Variants in ALOX15 observed in about 807,000 individuals in gnomAD.
ALOX15 encodes the protein arachidonate 15-lipoxygenase.
Under a neutral mutation model 71.7 loss-of-function variants are expected in ALOX15, and 68 were observed. The ratio of observed to expected loss-of-function variants is 0.95; its 90% CI spans 0.78 to 1.16. The LOEUF (loss-of-function observed/expected upper bound fraction) is 1.16, where lower values mean the gene tolerates loss of function less well. Among genes scored for constraint, ALOX15 ranks in the 50% most tolerant of loss-of-function variants. The probability of loss-of-function intolerance (pLI) is 0.00; values close to 1 mark genes in which losing one functional copy is unlikely to be tolerated. For missense variants in ALOX15, 798 were observed against 818.8 expected (o/e 0.97, Z 0.31); for synonymous variants, 346 against 333.3 (o/e 1.04, Z -0.42).
chr17:4,639,852 C>A, intron 1 of ALOX15: 1 of 539,384 alleles, frequency 1.9e-6, no homozygotes, highest in South Asian at 2.1e-5. Context: ...AAGGTGCGCT[C>A]CTGCCTTCAC....
At chr17:4,640,495 CATTT>C (rs1342717719) in intron 1 of ALOX15, among the ~76,000 whole-genome samples, 2 of 146,818 alleles carry the variant, frequency 1.4e-5, no homozygotes, top group South Asian at 2.1e-4. Flanking sequence ...GTAGCGGGAA[CATTT>C]ATTGAGCCTT....
At chr17:4,632,119 G>C in intron 12 of ALOX15, 62 bp downstream of exon 12, 1 of 1,612,522 alleles carries the variant, frequency 6.2e-7, no homozygotes, top group Non-Finnish European at 8.5e-7. Flanking sequence ...TGGTCCACCT[G>C]CACACAGACC....
At position 4,639,707 on chromosome 17, in the gene ALOX15, G is replaced by A. The variant is rs1418324120; in HGVS notation, c.136-76C>T. ...ACCCGGCTGAGCCCTGCTCCCTCCA[G>A]CGCCCACGCCCTTCCTCGGAGCCTC... On this transcript the variant is annotated intron_variant, in intron 1 of 13. Transcript: ENST00000293761. 1.2e-4 allele frequency: 176 copies of A among 1,423,918 alleles called. 1 individual carries two copies. The highest frequency in any genetic ancestry group is 1.0e-4 in the East Asian group (4 of 40,164). The allele number at this position is 1,423,918 out of a possible 1,614,324, so 88.2% of individuals were successfully genotyped here. A position where few individuals can be genotyped will look rare whatever the true frequency, so the allele number is the denominator to read the frequency against.
At chr17:4,634,263 G>A (rs1911013526) in intron 8 of ALOX15, among the ~76,000 whole-genome samples, 1 of 152,136 alleles carries the variant, frequency 6.6e-6, no homozygotes, top group Admixed American at 6.5e-5. Flanking sequence ...CCACAAACCA[G>A]ACTTAGTGCT....
intron 5 of ALOX15, 35 bp downstream of exon 5, chr17:4,638,546 G>T (rs746986949): frequency 1.2e-6 from 2 of 1,603,986 alleles, no homozygotes; most frequent in Non-Finnish European, 1.7e-6. Context: ...GTGGGATCTG[G>T]GGGGTTGGGA....
At chr17:4,639,183 C>T (rs1567648850) in intron 2 of ALOX15, 51 bp from the exon 3 acceptor site, 2 of 1,604,256 alleles carry the variant, frequency 1.2e-6, no homozygotes, top group Admixed American at 3.3e-5. Context: ...AGCGCCTCTT[C>T]TTGTCTCTGC....
At position 4,633,318 on chromosome 17, in the gene ALOX15, G is replaced by A. The variant is rs1340924767; in HGVS notation, c.1249-3C>T. ...CCTCCCCCACCAGTGCTCATTATCT[G>A]AGAAGTGAGGGTGAGCAGGGTCAGG... On this transcript the variant is annotated splice_polypyrimidine_tract_variant and splice_region_variant and intron_variant, in intron 9 of 13. Transcript: ENST00000293761. The A allele has an allele frequency of 6.2e-7, 1 of 1,613,082 alleles. No individual in the cohort carries two copies. The highest frequency in any genetic ancestry group is 1.7e-5 in the Admixed American group (1 of 59,988).
At chr17:4,639,801 C>T (rs1465873403) in intron 1 of ALOX15, 170 bp from the exon 2 acceptor site, 1 of 638,994 alleles carries the variant, frequency 1.6e-6, no homozygotes, top group Non-Finnish European at 2.6e-6. Flanking sequence ...GAGCAGGTGG[C>T]CCCAGGACTC....
intron 1 of ALOX15, chr17:4,639,865 T>C: frequency 2.0e-6 from 1 of 512,618 alleles, no homozygotes; most frequent in East Asian, 3.3e-5. Context: ...GCCTTCACTT[T>C]CTCCTCCCTG....
intron 1 of ALOX15, 47 bp from the exon 2 acceptor site, chr17:4,639,678 G>C: frequency 6.4e-7 from 1 of 1,556,144 alleles, no homozygotes; most frequent in African/African-American, 1.4e-5. Flanking sequence ...CTGGCGGGAG[G>C]GGCACCCGGC....
At position 4,633,430 on chromosome 17, in the gene ALOX15, A is replaced by G; in HGVS notation, c.1232T>C (p.Met411Thr). Residue 411 changes from methionine (M) to threonine (T), a missense_variant, in exon 9 of 14, where the codon ATG (methionine) becomes ACG (threonine). Physicochemically the swap from Met to Thr is moderately conservative, Grantham distance 81 (BLOSUM62 -1). Coordinates refer to ENST00000293761, the MANE Select transcript of ALOX15 (RefSeq NM_001140.5). ...VRARTGLVSD[M>T]GIFDQIMSTG... ...TTCCCATACCTGGTCGAAAATTCCC[A>G]TGTCAGAGACCAGCCCAGTCCTGGC... 1.9e-6 allele frequency: 3 copies of G among 1,614,106 alleles called. No individual in the cohort carries two copies. Among genetic ancestry groups the G allele is most frequent in the Non-Finnish European group, 2.5e-6 (3 of 1,180,000 alleles).
Position 4,632,202 on chromosome 17 carries a change from G to T in ALOX15, c.1620C>A (p.His540Gln). The change falls in exon 12 of 14, where the codon CAC becomes CAA. Residue 540 changes from histidine (H) to glutamine (Q), a missense_variant. Transcript: ENST00000293761. ...GTACCTGGCCCAGGTGCACAGAGGC[G>T]TGTTGGCCGGTGCAGGTGAAGATAC... ...TMCIFTCTGQ[H>Q]ASVHLGQLDW... The T allele has an allele frequency of 6.2e-7, 1 of 1,614,212 alleles. No individual in the cohort carries two copies. The highest frequency in any genetic ancestry group is 2.2e-5 in the East Asian group (1 of 44,890).
intron 11 of ALOX15, 68 bp downstream of exon 11, chr17:4,632,793 G>A: frequency 3.7e-6 from 6 of 1,607,204 alleles, no homozygotes; most frequent in Non-Finnish European, 5.1e-6. Flanking sequence ...TTTCACAGAA[G>A]CACAGGGGAT....
In ALOX15 at chr17:4,632,869, T is replaced by G. The variant is rs1414553961; in HGVS notation, c.1532A>C (p.Gln511Pro). ...GCAGGGGCTCCTCTTACCTCGGTCC[T>G]GGGCCCCTTGCAGCCCGATTTCAGT... ...EITEIGLQGA[Q>P]DRGFPVSLQA... The change falls in exon 11 of 14, where the codon CAG becomes CCG. Residue 511 changes from glutamine to proline, a missense_variant. Physicochemically the swap from Gln to Pro is moderately conservative, Grantham distance 76. This residue lies in a region of ALOX15 where 490 missense variants were observed against 509.4 expected (regional missense o/e 0.96). Coordinates refer to ENST00000293761, the MANE Select transcript of ALOX15 (RefSeq NM_001140.5). 2 of 1,614,162 alleles carry G rather than the reference T, an allele frequency of 1.2e-6. No homozygotes were observed. The highest frequency in any genetic ancestry group is 2.2e-5 in the East Asian group (1 of 44,878).
chr17:4,632,491 C>T (rs1910948288), intron 11 of ALOX15, among the ~76,000 whole-genome samples: 1 of 152,196 alleles, frequency 6.6e-6, no homozygotes, highest in South Asian at 2.1e-4. Flanking sequence ...TGCTGACTCA[C>T]ACTGGCTCGC....
intron 6 of ALOX15, among the ~76,000 whole-genome samples, chr17:4,637,471 C>T (rs545798096): frequency 6.6e-6 from 1 of 152,220 alleles, no homozygotes; most frequent in Non-Finnish European, 1.5e-5. Flanking sequence ...AGGATCACCA[C>T]GGCTCACTGC....
chr17:4,635,723 T>C (rs778318334), intron 8 of ALOX15, 36 bp downstream of exon 8: 10 of 1,607,586 alleles, frequency 6.2e-6, no homozygotes, highest in South Asian at 5.5e-5. Context: ...GGGGCAGAGA[T>C]AGTGGCAGGC....
At chr17:4,640,302 G>A (rs1911273882) in intron 1 of ALOX15, among the ~76,000 whole-genome samples, 1 of 130,030 alleles carries the variant, frequency 7.7e-6, no homozygotes, top group Non-Finnish European at 1.6e-5. Context: ...AAATCATTCC[G>A]GCTTCAGAAG....
At chr17:4,636,008 C>T (rs1911083411) in intron 7 of ALOX15, 40 bp from the exon 8 acceptor site, 3 of 1,594,862 alleles carry the variant, frequency 1.9e-6, no homozygotes, top group Non-Finnish European at 2.6e-6. Context: ...GGCATGAGTG[C>T]CAGGCACTCA....
Sources: allele counts gnomAD v4.1 joint callset (sites outside exome capture counted in the v4.1 genomes callset), GRCh38; gene constraint gnomAD v4.1.1; regional missense constraint gnomAD v4.1.1; transcripts MANE v1.5; gene names NCBI Gene and HGNC (gene_info 2026-07-23, HGNC 2026-07-21).